Variants in ULK4 observed in about 807,000 individuals in gnomAD.
ULK4 encodes the protein unc-51 like kinase 4.
In ULK4, 133 loss-of-function variants were observed where a neutral mutation model predicts 160.6. That is an observed-to-expected ratio of 0.83 (90% CI 0.72 to 0.96). The LOEUF (loss-of-function observed/expected upper bound fraction) is 0.96. Among genes scored for constraint, ULK4 ranks in the 40% least tolerant of loss-of-function variants. The pLI is 0.00. For synonymous variants in ULK4, 534 were observed against 539.8 expected, an observed-to-expected ratio of 0.99 and a Z score of 0.15; for missense variants, 1,580 against 1,499.5, an observed-to-expected ratio of 1.05 and a Z score of -0.89.
chr3:41,571,392 T>A (rs1461970200), intron 31 of ULK4, among the ~76,000 whole-genome samples: 10 of 152,240 alleles, frequency 6.6e-5, no homozygotes, highest in Non-Finnish European at 4.4e-5. Context: ...AGCATACTTC[T>A]ATTAACTTGT....
At chr3:41,771,709 T>G (rs901711600) in intron 21 of ULK4, among the ~76,000 whole-genome samples, 1 of 151,974 alleles carries the variant, frequency 6.6e-6, no homozygotes, top group African/African-American at 2.4e-5. Flanking sequence ...AAAAAACGAC[T>G]GAAACTTCCC....
At chr3:41,434,345 A>T (rs2082985242) in intron 34 of ULK4, among the ~76,000 whole-genome samples, 1 of 152,192 alleles carries the variant, frequency 6.6e-6, no homozygotes, top group Non-Finnish European at 1.5e-5. Context: ...ATTTTGTTAA[A>T]ATATATTGAG....
intron 35 of ULK4, among the ~76,000 whole-genome samples, chr3:41,332,075 G>C (rs1381016799): frequency 1.3e-5 from 2 of 152,052 alleles, no homozygotes; most frequent in Non-Finnish European, 2.9e-5. Context: ...ATTAAATTTA[G>C]ATCTTGGGAT....
intron 27 of ULK4, among the ~76,000 whole-genome samples, chr3:41,695,028 G>C (rs1417157410): frequency 6.6e-6 from 1 of 152,208 alleles, no homozygotes; most frequent in East Asian, 1.9e-4. Context: ...CAAGATCACG[G>C]TGCCAGCAGG....
chr3:41,929,194 A>T (rs1699493329), intron 5 of ULK4, among the ~76,000 whole-genome samples: 1 of 152,196 alleles, frequency 6.6e-6, no homozygotes, highest in Non-Finnish European at 1.5e-5. Flanking sequence ...AACATACACA[A>T]ATCAATAAAT....
intron 35 of ULK4, among the ~76,000 whole-genome samples, chr3:41,318,810 G>A (rs745806141): frequency 1.1e-4 from 16 of 152,166 alleles, no homozygotes; most frequent in Non-Finnish European, 2.2e-4. Flanking sequence ...ATCCAGTCAT[G>A]GCTTGCAAAG....
chr3:41,598,628 C>A (rs539635685), intron 31 of ULK4, among the ~76,000 whole-genome samples: 1 of 152,080 alleles, frequency 6.6e-6, no homozygotes, highest in Non-Finnish European at 1.5e-5. Context: ...ATATATGTGG[C>A]TATTTTTACG....
In ULK4 at chr3:41,508,686, G is replaced by A. The variant is rs1008851246; in HGVS notation, c.3227-45433C>T. 5.3e-5 allele frequency among the ~76,000 whole-genome samples: 8 copies of A among 152,252 alleles called. No individual in the cohort carries two copies. The East Asian group carries it at 9.7e-4, about 18-fold the overall frequency. Reference sequence around the variant, plus strand: ...TTCCTCAGTAGCAGCCCTGAGCCCAGTAGCTCTGCTGGGTGGCTAGACCCA... The same window carrying A: ...TTCCTCAGTAGCAGCCCTGAGCCCAATAGCTCTGCTGGGTGGCTAGACCCA... On this transcript the variant is annotated intron_variant, in intron 32 of 36. Transcript: ENST00000301831.
intron 36 of ULK4, 61 bp from the exon 37 acceptor site, chr3:41,247,053 C>G (rs2078658305): frequency 3.3e-6 from 5 of 1,532,224 alleles, no homozygotes; most frequent in Non-Finnish European, 4.5e-6. Context: ...GTGCTCCCCC[C>G]TTTCAAAGGG....
At chr3:41,326,826 G>A (rs1475829932) in intron 35 of ULK4, among the ~76,000 whole-genome samples, 1 of 152,132 alleles carries the variant, frequency 6.6e-6, no homozygotes, top group African/African-American at 2.4e-5. Context: ...ACAGAAGACA[G>A]GGACATCCAT....
At chr3:41,944,862 A>G (rs1700066846) in intron 2 of ULK4, among the ~76,000 whole-genome samples, 1 of 152,132 alleles carries the variant, frequency 6.6e-6, no homozygotes, top group African/African-American at 2.4e-5. Flanking sequence ...CCTTATTAGC[A>G]GCATCTCACA....
intron 35 of ULK4, among the ~76,000 whole-genome samples, chr3:41,347,051 A>G (rs2080814222): frequency 6.7e-6 from 1 of 149,286 alleles, no homozygotes; most frequent in South Asian, 2.2e-4. Flanking sequence ...CCCTTTTTAG[A>G]CATAGGAACA....
intron 34 of ULK4, among the ~76,000 whole-genome samples, chr3:41,405,058 A>G (rs989802896): frequency 6.6e-6 from 1 of 152,188 alleles, no homozygotes; most frequent in Non-Finnish European, 1.5e-5. Flanking sequence ...GGTTTGGGGT[A>G]TCATTGCTCC....
chr3:41,518,454 G>A (rs1182587309), intron 32 of ULK4, among the ~76,000 whole-genome samples: 1 of 152,118 alleles, frequency 6.6e-6, no homozygotes, highest in Non-Finnish European at 1.5e-5. Flanking sequence ...TCAAAGCAAT[G>A]GACCACAAGA....
intron 34 of ULK4, among the ~76,000 whole-genome samples, chr3:41,434,817 A>T (rs2082996957): frequency 6.6e-6 from 1 of 152,190 alleles, no homozygotes; most frequent in South Asian, 2.1e-4. Context: ...GCCTAGTGTT[A>T]ATGGTGAAAG....
chr3:41,721,255 A>ATT lies in ULK4; in HGVS notation c.2322-3396_2322-3395dup, dbSNP rs67078042. Among the ~76,000 whole-genome samples, 11 of 45,042 alleles carry ATT rather than the reference A, an allele frequency of 2.4e-4. 1 individual carries two copies. The East Asian group carries it at 3.1e-3, about 13-fold the overall frequency. 29.5% of individuals were successfully genotyped at this position (45,042 alleles called of 152,430 possible). On this transcript the variant is annotated intron_variant, in intron 22 of 36. Coordinates refer to ENST00000301831, the MANE Select transcript of ULK4 (RefSeq NM_017886.4). ...GCAGATGAGAAATTTTTCGCTTTGAATTTTTTTTTTTTTTTTTTTTTTTTT... is the reference window on the plus strand; with the variant it reads ...GCAGATGAGAAATTTTTCGCTTTGAATTTTTTTTTTTTTTTTTTTTTTTTTTT...
chr3:41,305,141 T>A (rs72863449), intron 35 of ULK4, among the ~76,000 whole-genome samples: 1 of 152,050 alleles, frequency 6.6e-6, no homozygotes, highest in African/African-American at 2.4e-5. Flanking sequence ...GAGATAAAAA[T>A]AAATGGGTTG....
intron 35 of ULK4, among the ~76,000 whole-genome samples, chr3:41,283,806 A>AC (rs914787919): frequency 8.4e-4 from 127 of 151,360 alleles, no homozygotes; most frequent in African/African-American, 1.6e-3. Context: ...ACAAAAAAAA[A>AC]CCCTAAAGAC....
intron 27 of ULK4, among the ~76,000 whole-genome samples, chr3:41,688,508 C>CT (rs2036174776): frequency 1.3e-5 from 2 of 152,158 alleles, no homozygotes; most frequent in Non-Finnish European, 2.9e-5. Flanking sequence ...TGCTATAACT[C>CT]TATTCATACT....
Sources: gnomAD v4.1 joint callset for allele counts (sites outside exome capture counted in the v4.1 genomes callset) on GRCh38, gnomAD v4.1.1 for gene constraint, MANE v1.5 for transcripts, NCBI Gene and HGNC (gene_info 2026-07-23, HGNC 2026-07-21) for gene names.